The following MATN2 variants were observed in gnomAD, a reference collection of about 807,000 sequenced individuals.
MATN2 encodes matrilin-2.
MATN2 carries 69 observed loss-of-function variants against 103.2 expected under a neutral mutation model. The ratio of observed to expected loss-of-function variants is 0.67; its 90% CI spans 0.55 to 0.82. MATN2 has a LOEUF of 0.82. MATN2 is among the 40% of genes least tolerant of loss of function. The pLI, the probability that MATN2 is intolerant of heterozygous loss-of-function variation, is 0.00. For synonymous variants in MATN2, 429 were observed against 450.2 expected (o/e 0.95, Z 0.60); for missense variants, 1,023 against 1,211.5 (o/e 0.84, Z 2.31).
At chr8:97,977,951 A>C (rs917184065) in intron 5 of MATN2, among the ~76,000 whole-genome samples, 2 of 151,200 alleles carry the variant, frequency 1.3e-5, no homozygotes, top group Non-Finnish European at 3.0e-5. Flanking sequence ...ATTACATCCC[A>C]CCTGCTACCC....
chr8:97,995,107 T>C (rs1338452666), intron 7 of MATN2, among the ~76,000 whole-genome samples: 1 of 152,188 alleles, frequency 6.6e-6, no homozygotes, highest in Non-Finnish European at 1.5e-5. Context: ...ATATTGTGGA[T>C]GTACTGAGTG....
Position 97,918,612 on chromosome 8 carries a change from A to T in MATN2, c.143-12341A>T, listed in dbSNP as rs371935957. Among the ~76,000 whole-genome samples the T allele has an allele frequency of 3.1e-4, 47 of 152,334 alleles. 1 individual carries two copies. The highest frequency in any genetic ancestry group is 1.1e-3 in the African/African-American group (46 of 41,584). ...GGGCCTGAGCGATGCCTCCCAGGGCACTGGCCTGGGCAGAGGGTGAAGTGG... is the reference window on the plus strand; with the variant it reads ...GGGCCTGAGCGATGCCTCCCAGGGCTCTGGCCTGGGCAGAGGGTGAAGTGG... On this transcript the variant is annotated intron_variant, in intron 2 of 18. Coordinates refer to ENST00000254898, the MANE Select transcript of MATN2 (RefSeq NM_002380.5).
chr8:97,913,979 A>G (rs1809537243), intron 2 of MATN2, among the ~76,000 whole-genome samples: 1 of 152,188 alleles, frequency 6.6e-6, no homozygotes, highest in Admixed American at 6.5e-5. Flanking sequence ...AATAGAGATG[A>G]GTTGAAAGGG....
rs1276762197 is a variant in MATN2 at position 98,021,290 on chromosome 8, G to A, written c.1905G>A (p.Glu635=). ...NGNSYICKCS[E]GFVLAEDGRR... ...ATTCCTACATCTGCAAATGCTCAGA[G>A]GGATTTGTTCTAGCTGAGGACGGAA... The change falls in exon 13 of 19, where the codon GAG becomes GAA. Residue 635 remains glutamate, a synonymous_variant. Coordinates refer to ENST00000254898, the MANE Select transcript of MATN2 (RefSeq NM_002380.5). 2.3e-5 allele frequency: 37 copies of A among 1,613,518 alleles called. No homozygotes were observed. Among genetic ancestry groups the A allele is most frequent in the Non-Finnish European group, 3.0e-5 (35 of 1,179,632 alleles).
chr8:97,947,050 G>A (rs562120421), intron 4 of MATN2, among the ~76,000 whole-genome samples: 1 of 152,254 alleles, frequency 6.6e-6, no homozygotes, highest in Admixed American at 6.5e-5. Context: ...TGCAAGTTTG[G>A]TTTAACATTC....
intron 3 of MATN2, among the ~76,000 whole-genome samples, chr8:97,939,291 G>T (rs113141622): frequency 2.0e-5 from 3 of 152,114 alleles, no homozygotes; most frequent in African/African-American, 7.2e-5. Context: ...AAGGCACATC[G>T]CAGCCTTTCT....
intron 2 of MATN2, among the ~76,000 whole-genome samples, chr8:97,898,499 A>G (rs1272564508): frequency 6.6e-6 from 1 of 151,696 alleles, no homozygotes; most frequent in Non-Finnish European, 1.5e-5. Flanking sequence ...CGGGAGGCCG[A>G]GGCAGGAAAA....
chr8:97,968,834 C>G (rs553020325), intron 5 of MATN2, among the ~76,000 whole-genome samples: 42 of 152,250 alleles, frequency 2.8e-4, no homozygotes, highest in Non-Finnish European at 4.8e-4. Flanking sequence ...TTGCCCAGTT[C>G]CAAAGCTGCT....
At chr8:97,906,560 A>T (rs2032023313) in intron 2 of MATN2, among the ~76,000 whole-genome samples, 1 of 152,238 alleles carries the variant, frequency 6.6e-6, no homozygotes, top group South Asian at 2.1e-4. Flanking sequence ...CAGCTACTGA[A>T]GCTGAGGCCA....
intron 11 of MATN2, among the ~76,000 whole-genome samples, chr8:98,017,268 A>G (rs1370860999): frequency 1.3e-5 from 2 of 152,224 alleles, no homozygotes; most frequent in Admixed American, 1.3e-4. Flanking sequence ...TATTTCTGGT[A>G]GCACAAATCC....
intron 2 of MATN2, among the ~76,000 whole-genome samples, chr8:97,912,846 T>A (rs1357180648): frequency 6.6e-6 from 1 of 152,184 alleles, no homozygotes; most frequent in South Asian, 2.1e-4. Flanking sequence ...GAGGCAGATA[T>A]GCTGAGGCTG....
intron 4 of MATN2, among the ~76,000 whole-genome samples, chr8:97,942,409 G>A (rs144404954): frequency 4.0e-4 from 61 of 152,304 alleles, no homozygotes; most frequent in African/African-American, 1.4e-3. Context: ...TAAAAAGGGG[G>A]TAAACAGATG....
At chr8:97,993,022 G>A (rs68131553) in intron 6 of MATN2, among the ~76,000 whole-genome samples, 16,866 of 151,980 alleles carry the variant, frequency 0.11, 1,220 homozygotes, top group Non-Finnish European at 0.17. Context: ...AGAGAGTGGG[G>A]ACATAGCTGA....
intron 2 of MATN2, among the ~76,000 whole-genome samples, chr8:97,895,311 C>T (rs567523860): frequency 3.3e-5 from 5 of 152,374 alleles, no homozygotes; most frequent in East Asian, 1.9e-4. Flanking sequence ...TCTGGCTCTC[C>T]GACCAACCCG....
intron 8 of MATN2, among the ~76,000 whole-genome samples, chr8:98,004,620 G>A (rs1327887137): frequency 1.3e-5 from 2 of 152,222 alleles, no homozygotes; most frequent in African/African-American, 4.8e-5. Context: ...AAGGGGAACT[G>A]TTCCTATCAT....
At chr8:97,984,456 C>T (rs1313668226) in intron 6 of MATN2, among the ~76,000 whole-genome samples, 1 of 152,118 alleles carries the variant, frequency 6.6e-6, no homozygotes, top group Non-Finnish European at 1.5e-5. Context: ...AGGCATTTGA[C>T]CAATTTGTGT....
rs563758736 is a variant in MATN2, at chr8:97,925,753, A to C, written c.143-5200A>C. Among the ~76,000 whole-genome samples the C allele has an allele frequency of 2.0e-5, 3 of 152,314 alleles. No individual in the cohort carries two copies. The East Asian group carries it at 5.8e-4, about 29-fold the overall frequency. On this transcript the variant is annotated intron_variant, in intron 2 of 18. Transcript: ENST00000254898. ...AGAAAGTGGCAGAGGCTGGGCTTGC[A>C]TGGGATCATAGGACTCTAATACTGT...
Position 97,888,091 on chromosome 8 carries a change from C to T in MATN2, c.-10C>T. On this transcript the variant is annotated 5_prime_UTR_variant, in exon 2 of 19. Transcript: ENST00000254898. Reference sequence around the variant, plus strand: ...TTGTCACAGCCTTGCCCCTCTTGCTCGCCTTGAAAATGGAAAAGATGCTCG... The same window carrying T: ...TTGTCACAGCCTTGCCCCTCTTGCTTGCCTTGAAAATGGAAAAGATGCTCG... 4.4e-6 allele frequency: 7 copies of T among 1,607,358 alleles called. No homozygotes were observed. In the Admixed American group the frequency reaches 5.1e-5, roughly 12 times the overall value.
At position 98,018,055 on chromosome 8, in the gene MATN2, C is replaced by G; in HGVS notation, c.1758C>G (p.Asp586Glu). ...AACACATTTGTGTGAACAGTGATGA[C>G]TCATACACGTGCGAGTGCTTGGAGG... Reference protein sequence around the residue: ...GCEHICVNSDDSYTCECLEGF... With the variant: ...GCEHICVNSDESYTCECLEGF... The change falls in exon 12 of 19, where the codon GAC becomes GAG. Residue 586 changes from aspartate (D) to glutamate (E), a missense_variant. Coordinates refer to ENST00000254898, the MANE Select transcript of MATN2 (RefSeq NM_002380.5). The G allele has an allele frequency of 6.2e-7, 1 of 1,613,946 alleles. No individual in the cohort carries two copies. Among genetic ancestry groups the G allele is most frequent in the Non-Finnish European group, 8.5e-7 (1 of 1,179,828 alleles).
Sources: gnomAD v4.1 joint callset for allele counts (sites outside exome capture counted in the v4.1 genomes callset) on GRCh38, gnomAD v4.1.1 for gene constraint, MANE v1.5 for transcripts, NCBI Gene and HGNC (gene_info 2026-07-23, HGNC 2026-07-21) for gene names.